Variants in SIRPA observed in about 807,000 individuals in gnomAD.
SIRPA encodes the protein tyrosine-protein phosphatase non-receptor type substrate 1.
A neutral mutation model predicts 50.3 loss-of-function variants in SIRPA; 9 were observed. That is an observed-to-expected ratio of 0.18 (90% CI 0.11 to 0.31). SIRPA has a LOEUF of 0.31. Ranked by LOEUF, SIRPA falls within the 10% of genes least tolerant of loss-of-function variation. SIRPA has a pLI of 1.00. For missense variants in SIRPA, 474 were observed against 661.6 expected (o/e 0.72, Z 3.11); for synonymous variants, 265 against 284.1 (o/e 0.93, Z 0.68).
chr20:1,921,987 A>G (rs1985687732), intron 3 of SIRPA, among the ~76,000 whole-genome samples: 1 of 152,188 alleles, frequency 6.6e-6, no homozygotes, highest in Admixed American at 6.5e-5. Flanking sequence ...AGTACCTACT[A>G]TGAACTAAGC....
In SIRPA at chr20:1,930,406, C is replaced by T. The variant is rs556798348; in HGVS notation, c.1226+2507C>T. On this transcript the variant is annotated intron_variant, in intron 6 of 7. Transcript: ENST00000358771. ...CACCATGCCTGGAATGGGATAGGTG[C>T]TTAGTAAAGGTTTACTGACTGAACA... Among the ~76,000 whole-genome samples the T allele has an allele frequency of 1.1e-4, 17 of 152,278 alleles. No homozygotes were observed. In the East Asian group the frequency reaches 3.3e-3, roughly 29 times the overall value.
intron 3 of SIRPA, among the ~76,000 whole-genome samples, 183 bp from the exon 4 acceptor site, chr20:1,922,130 G>T (rs571255698): frequency 6.6e-6 from 1 of 152,278 alleles, no homozygotes; most frequent in Non-Finnish European, 1.5e-5. Flanking sequence ...CCTACTGTGT[G>T]CTGGGCGTTG....
rs748172714 is a variant in SIRPA, at chr20:1,915,078, C to T, written c.80-21C>T. The T allele has an allele frequency of 5.2e-5, 82 of 1,579,806 alleles. 2 individuals carry two copies. The highest frequency in any genetic ancestry group is 7.0e-5 in the Non-Finnish European group (81 of 1,157,222). On this transcript the variant is annotated intron_variant, in intron 1 of 7. Transcript: ENST00000358771. ...GGATCACGTAAGGATGAAAAAATGACTGCTTTGTGCTCCTTTCCAGGAGTG... is the reference window on the plus strand; with the variant it reads ...GGATCACGTAAGGATGAAAAAATGATTGCTTTGTGCTCCTTTCCAGGAGTG...
At chr20:1,917,615 T>C (rs1055753120) in intron 2 of SIRPA, among the ~76,000 whole-genome samples, 52 of 152,264 alleles carry the variant, frequency 3.4e-4, no homozygotes, top group Middle Eastern at 3.4e-3. Flanking sequence ...AGATGTCTCA[T>C]GATATGGGAA....
rs146386170 is a variant in SIRPA, at chr20:1,909,132, C to G, written c.80-5967C>G. Among the ~76,000 whole-genome samples the G allele has an allele frequency of 1.8e-4, 27 of 152,354 alleles. No individual in the cohort carries two copies. The East Asian group carries it at 4.2e-3, about 24-fold the overall frequency. The stretch of plus-strand genomic sequence containing the variant: ...GAAGGGAGCCGGGTATCACTGCAGC[C>G]ACTTTAGAATGTTGAGCCCTGTGTA... On this transcript the variant is annotated intron_variant, in intron 1 of 7. Coordinates refer to ENST00000358771, the MANE Select transcript of SIRPA (RefSeq NM_001040023.2).
chr20:1,905,990 G>A (rs188695230), intron 1 of SIRPA, among the ~76,000 whole-genome samples: 5 of 152,312 alleles, frequency 3.3e-5, no homozygotes, highest in African/African-American at 7.2e-5. Flanking sequence ...AGAGGATCCC[G>A]AGCCTCTCAG....
chr20:1,927,778 C>A lies in SIRPA; in HGVS notation c.1202-97C>A. 1.9e-6 allele frequency: 2 copies of A among 1,058,600 alleles called. No individual in the cohort carries two copies. The highest frequency in any genetic ancestry group is 3.0e-6 in the Non-Finnish European group (2 of 674,140). The allele number at this position is 1,058,600 out of a possible 1,614,324, so 65.6% of individuals were successfully genotyped here. On this transcript the variant is annotated intron_variant, in intron 5 of 7. Coordinates refer to ENST00000358771, the MANE Select transcript of SIRPA (RefSeq NM_001040023.2). This position sits in a 1 kb window ranked among gnomAD's most constrained non-coding sequence, Gnocchi z 6.5. Reference sequence around the variant, plus strand: ...AGGATGTGATTACAGCATTTCCTCTCCATGTCCCTGGAGGCAAACCTTTTG... The same window carrying A: ...AGGATGTGATTACAGCATTTCCTCTACATGTCCCTGGAGGCAAACCTTTTG...
chr20:1,934,864 G>T lies in SIRPA; in HGVS notation c.1266+110G>T. On this transcript the variant is annotated intron_variant, in intron 7 of 7. Transcript: ENST00000358771. This position sits in a 1 kb window ranked among gnomAD's most constrained non-coding sequence, Gnocchi z 4.6. ...AATTAAGACTCCTTGTGGGGTGGAGGGTGGAGGATCTTACACTCCTAGCTT... is the reference window on the plus strand; with the variant it reads ...AATTAAGACTCCTTGTGGGGTGGAGTGTGGAGGATCTTACACTCCTAGCTT... The T allele has an allele frequency of 8.3e-7, 1 of 1,202,284 alleles. No individual in the cohort carries two copies. Among genetic ancestry groups the T allele is most frequent in the Non-Finnish European group, 1.2e-6 (1 of 809,738 alleles). The allele number at this position is 1,202,284 out of a possible 1,614,324, so 74.5% of individuals were successfully genotyped here.
intron 1 of SIRPA, among the ~76,000 whole-genome samples, chr20:1,912,855 G>A (rs1321008673): frequency 1.3e-5 from 2 of 152,202 alleles, no homozygotes; most frequent in African/African-American, 2.4e-5. Flanking sequence ...GTCCAGTCTC[G>A]AGGCTGAAAT....
At position 1,927,825 on chromosome 20, in the gene SIRPA, A is replaced by G; in HGVS notation, c.1202-50A>G. Reference sequence around the variant, plus strand: ...TTTGCCAAAAAATAGTTACATAAGAAAAGTGTGCTTCTAGTTAAACAACTG... The same window carrying G: ...TTTGCCAAAAAATAGTTACATAAGAGAAGTGTGCTTCTAGTTAAACAACTG... On this transcript the variant is annotated intron_variant, in intron 5 of 7. Coordinates refer to ENST00000358771, the MANE Select transcript of SIRPA (RefSeq NM_001040023.2). This position sits in a 1 kb window ranked among gnomAD's most constrained non-coding sequence, Gnocchi z 6.5. 1 of 1,589,160 alleles carries G rather than the reference A, an allele frequency of 6.3e-7. No individual in the cohort carries two copies. Among genetic ancestry groups the G allele is most frequent in the Non-Finnish European group, 8.6e-7 (1 of 1,157,310 alleles).
Position 1,937,613 on chromosome 20 carries a change from T to C in SIRPA, c.*45T>C, listed in dbSNP as rs756688658. Reference sequence around the variant, plus strand: ...TAGCACCCATCTCTACGCGCTTTCTTGTCCCACAGGGAGCCGCCGTGATGA... The same window carrying C: ...TAGCACCCATCTCTACGCGCTTTCTCGTCCCACAGGGAGCCGCCGTGATGA... On this transcript the variant is annotated 3_prime_UTR_variant, in exon 8 of 8. Coordinates refer to ENST00000358771, the MANE Select transcript of SIRPA (RefSeq NM_001040023.2). This position sits in a 1 kb window ranked among gnomAD's most constrained non-coding sequence, Gnocchi z 8.3. The C allele has an allele frequency of 1.9e-6, 3 of 1,598,032 alleles. No homozygotes were observed. The highest frequency in any genetic ancestry group is 3.4e-5 in the Admixed American group (2 of 59,442).
At chr20:1,901,118 T>C (rs1984167098) in intron 1 of SIRPA, among the ~76,000 whole-genome samples, 1 of 149,088 alleles carries the variant, frequency 6.7e-6, no homozygotes, top group Admixed American at 6.8e-5. Context: ...GCTCCCTTAG[T>C]GCTCCTCTCA....
At chr20:1,919,311 T>C (rs898139568) in intron 2 of SIRPA, among the ~76,000 whole-genome samples, 6 of 152,232 alleles carry the variant, frequency 3.9e-5, no homozygotes, top group African/African-American at 1.2e-4. Context: ...CAGAAGATTC[T>C]AATACAGAGT....
chr20:1,937,172 A>G lies in SIRPA; in HGVS notation c.1267-148A>G, dbSNP rs1600468276. On this transcript the variant is annotated intron_variant, in intron 7 of 7. Transcript: ENST00000358771. This position sits in a 1 kb window ranked among gnomAD's most constrained non-coding sequence, Gnocchi z 8.3. ...AGGCTGGAGGCAAGTAACGTTGGCA[A>G]GAGATGAGGGGAACATGACTTATGG... is the stretch of plus-strand genomic sequence containing the variant. The G allele has an allele frequency of 2.1e-6, 2 of 933,294 alleles. No homozygotes were observed. Among genetic ancestry groups the G allele is most frequent in the Non-Finnish European group, 1.6e-6 (1 of 625,760 alleles). The allele number at this position is 933,294 out of a possible 1,614,324, so 57.8% of individuals were successfully genotyped here.
intron 4 of SIRPA, among the ~76,000 whole-genome samples, chr20:1,923,599 G>A (rs868595121): frequency 6.6e-5 from 10 of 152,190 alleles, no homozygotes; most frequent in South Asian, 2.1e-4. Flanking sequence ...GGACGTGTAG[G>A]GCATCGGCCA....
chr20:1,895,322 A>G (rs1226460500), upstream of SIRPA: 19 of 447,764 alleles, frequency 4.2e-5, no homozygotes, highest in Middle Eastern at 6.0e-4. Context: ...CCCGTTCCGG[A>G]GTCGGGGGGA....
intron 1 of SIRPA, among the ~76,000 whole-genome samples, chr20:1,908,320 G>A (rs189146658): frequency 6.6e-5 from 10 of 151,846 alleles, no homozygotes; most frequent in Non-Finnish European, 1.2e-4. Context: ...TCACATTTAC[G>A]CATACAGCAC....
chr20:1,904,981 GAGCCTCCGTTTCCCCATCTGC>G (rs1453047644), intron 1 of SIRPA, among the ~76,000 whole-genome samples: 1 of 152,144 alleles, frequency 6.6e-6, no homozygotes, highest in Non-Finnish European at 1.5e-5. Context: ...TCCCAGCTCT[GAGCCTCCGTTTCCCCATCTGC>G]AAAATGGAAC....
rs757772647 is a variant in SIRPA at position 1,921,540 on chromosome 20, C to T, written c.582C>T (p.Phe194=). The part of the protein sequence containing the change: ...WFKNGNELSD[F]QTNVDPVGES... ...AAAATGGGAATGAGCTCTCAGACTT[C>T]CAGACCAACGTGGACCCCGTAGGAG... Residue 194 remains phenylalanine, a synonymous_variant, in exon 3 of 8, where the codon TTC becomes TTT. Transcript: ENST00000358771. 16 of 1,614,084 alleles carry T rather than the reference C, an allele frequency of 9.9e-6. No individual in the cohort carries two copies. The highest frequency in any genetic ancestry group is 1.4e-5 in the Non-Finnish European group (16 of 1,180,048).
Sources: gnomAD v4.1 joint callset for allele counts (sites outside exome capture counted in the v4.1 genomes callset) on GRCh38, gnomAD v4.1.1 for gene constraint, Gnocchi (gnomAD v3.1) non-coding constraint, MANE v1.5 for transcripts, NCBI Gene and HGNC (gene_info 2026-07-23, HGNC 2026-07-21) for gene names.